The following PTPRN2 variants were observed in gnomAD, a reference collection of about 807,000 sequenced individuals.
PTPRN2 encodes the protein receptor-type tyrosine-protein phosphatase N2.
A neutral mutation model predicts 118.8 loss-of-function variants in PTPRN2; 74 were observed. The observed-to-expected ratio is 0.62, with a 90% CI of 0.52 to 0.76. The LOEUF (loss-of-function observed/expected upper bound fraction) is 0.76. Among genes scored for constraint, PTPRN2 ranks in the 30% least tolerant of loss-of-function variants. The probability of loss-of-function intolerance (pLI) is 0.00; values close to 1 mark genes in which losing one functional copy is unlikely to be tolerated. For synonymous variants in PTPRN2, 641 were observed against 608.0 expected (o/e 1.05, Z -0.80); for missense variants, 1,481 against 1,394.4 (o/e 1.06, Z -0.99).
intron 2 of PTPRN2, among the ~76,000 whole-genome samples, chr7:158,401,580 G>A (rs1812952766): frequency 6.6e-6 from 1 of 152,216 alleles, no homozygotes; most frequent in Non-Finnish European, 1.5e-5. Flanking sequence ...GACACACTGG[G>A]TCCCAGGCAT....
chr7:158,145,527 G>A (rs1379643606), intron 6 of PTPRN2, among the ~76,000 whole-genome samples: 2 of 152,244 alleles, frequency 1.3e-5, no homozygotes, highest in Non-Finnish European at 2.9e-5. Flanking sequence ...GAGGCTCCAT[G>A]GTGGACCAGG....
At chr7:158,139,982 C>T (rs866418789) in intron 6 of PTPRN2, among the ~76,000 whole-genome samples, 1 of 151,980 alleles carries the variant, frequency 6.6e-6, no homozygotes, top group Non-Finnish European at 1.5e-5. Context: ...GGCCTGCACA[C>T]AGGCTGAAGA....
At chr7:158,024,796 G>T (rs1807146318) in intron 11 of PTPRN2, among the ~76,000 whole-genome samples, 1 of 152,248 alleles carries the variant, frequency 6.6e-6, no homozygotes, top group African/African-American at 2.4e-5. Flanking sequence ...CTTCAGTTGT[G>T]CTCTCAACAT....
At chr7:158,327,019 AT>A (rs1399815196) in intron 2 of PTPRN2, among the ~76,000 whole-genome samples, 2 of 151,296 alleles carry the variant, frequency 1.3e-5, no homozygotes, top group Non-Finnish European at 3.0e-5. Context: ...ATTCTCACAT[AT>A]ATACACATTC....
chr7:157,805,633 T>C (rs10236304), intron 12 of PTPRN2, among the ~76,000 whole-genome samples: 129 of 152,336 alleles, frequency 8.5e-4, no homozygotes, highest in African/African-American at 3.0e-3. Flanking sequence ...CTCCACAGCC[T>C]GTTTGCCAGT....
At position 157,632,995 on chromosome 7, in the gene PTPRN2, T is replaced by G. The variant is rs1213504799; in HGVS notation, c.2197-11486A>C. On this transcript the variant is annotated intron_variant, in intron 14 of 22. Coordinates refer to ENST00000389418, the MANE Select transcript of PTPRN2 (RefSeq NM_002847.5). This position sits in a 1 kb window ranked among gnomAD's most constrained non-coding sequence, Gnocchi z 4.3. Reference sequence around the variant, plus strand: ...ATTTCTGTCGGATTCCTGCCGATGTTGTGGTGGTCTAGTCATCTGTCCCTT... The same window carrying G: ...ATTTCTGTCGGATTCCTGCCGATGTGGTGGTGGTCTAGTCATCTGTCCCTT... Among the ~76,000 whole-genome samples the G allele has an allele frequency of 2.6e-5, 4 of 152,170 alleles. No individual in the cohort carries two copies. Among genetic ancestry groups the G allele is most frequent in the African/African-American group, 7.2e-5 (3 of 41,444 alleles).
rs545695049 is a variant in PTPRN2 at position 157,801,293 on chromosome 7, C to T, written c.1788+97380G>A. On this transcript the variant is annotated intron_variant, in intron 12 of 22. Coordinates refer to ENST00000389418, the MANE Select transcript of PTPRN2 (RefSeq NM_002847.5). This position sits in a 1 kb window ranked among gnomAD's most constrained non-coding sequence, Gnocchi z 4.2. ...CTGCCTTCGAGATCAGTCTCTCGAC[C>T]CCTGTTAGGAGCAACGGCGGTGAGG... Among the ~76,000 whole-genome samples, 9 of 152,202 alleles carry T rather than the reference C, an allele frequency of 5.9e-5. No individual in the cohort carries two copies. The highest frequency in any genetic ancestry group is 1.9e-4 in the African/African-American group (8 of 41,526).
intron 9 of PTPRN2, among the ~76,000 whole-genome samples, chr7:158,130,777 G>A (rs1818146889): frequency 7.0e-6 from 1 of 142,608 alleles, no homozygotes; most frequent in South Asian, 2.3e-4. Context: ...ATACATACAT[G>A]CACATATGCA....
At chr7:157,828,552 G>A (rs564299660) in intron 12 of PTPRN2, among the ~76,000 whole-genome samples, 1 of 143,834 alleles carries the variant, frequency 7.0e-6, no homozygotes, top group African/African-American at 2.7e-5. Context: ...AGACGTCCTG[G>A]TTACTGCAGG....
chr7:158,050,443 G>A (rs60271108), intron 11 of PTPRN2, among the ~76,000 whole-genome samples: 3,060 of 152,262 alleles, frequency 0.02, 105 homozygotes, highest in African/African-American at 0.07. Context: ...ACTCCCATCT[G>A]CAGAGCCTCA....
At chr7:158,270,772 CCACCTGGACCA>C (rs1798288027) in intron 3 of PTPRN2, among the ~76,000 whole-genome samples, 2 of 131,612 alleles carry the variant, frequency 1.5e-5, no homozygotes, top group Admixed American at 7.2e-5. Context: ...ACCACCCCGT[CCACCTGGACCA>C]CCCCTCCACC....
At chr7:158,299,716 T>C (rs1359287582) in intron 3 of PTPRN2, among the ~76,000 whole-genome samples, 1 of 152,186 alleles carries the variant, frequency 6.6e-6, no homozygotes, top group Non-Finnish European at 1.5e-5. Flanking sequence ...TCCTCAGTCC[T>C]AGAGCTGCTG....
chr7:157,994,161 C>T (rs1189457681), intron 11 of PTPRN2, among the ~76,000 whole-genome samples: 1 of 152,094 alleles, frequency 6.6e-6, no homozygotes, highest in African/African-American at 2.4e-5. Flanking sequence ...TCACTACAGG[C>T]CATTAATACT....
intron 11 of PTPRN2, among the ~76,000 whole-genome samples, chr7:158,036,981 A>G (rs994294926): frequency 2.0e-5 from 3 of 152,172 alleles, no homozygotes; most frequent in African/African-American, 7.2e-5. Context: ...TTACATGGAC[A>G]ATCTAAGAGA....
At chr7:158,412,986 TCCAGCACCCTCC>T (rs1814310755) in intron 2 of PTPRN2, among the ~76,000 whole-genome samples, 1 of 126,444 alleles carries the variant, frequency 7.9e-6, no homozygotes, top group African/African-American at 3.1e-5. Flanking sequence ...CCAGGGCCCA[TCCAGCACCCTCC>T]TCAGCACCAG....
At chr7:157,908,044 C>T (rs959321667) in intron 11 of PTPRN2, among the ~76,000 whole-genome samples, 18 of 152,260 alleles carry the variant, frequency 1.2e-4, no homozygotes, top group African/African-American at 4.3e-4. Flanking sequence ...TTATTCTCCT[C>T]GGACACAGCA....
intron 12 of PTPRN2, among the ~76,000 whole-genome samples, chr7:157,835,972 G>A (rs933624323): frequency 2.0e-5 from 3 of 152,296 alleles, no homozygotes; most frequent in South Asian, 4.1e-4. Flanking sequence ...AACAAGCAAC[G>A]TTAGACACAG....
chr7:158,216,559 T>C (rs1274430408), intron 3 of PTPRN2, among the ~76,000 whole-genome samples: 1 of 152,122 alleles, frequency 6.6e-6, no homozygotes, highest in Middle Eastern at 3.4e-3. Flanking sequence ...ATGGAAGCAA[T>C]AGCTATATTA....
At chr7:157,839,942 G>GCGTGTGACTGTGTGGCCA (rs1219021612) in intron 12 of PTPRN2, among the ~76,000 whole-genome samples, 15 of 150,674 alleles carry the variant, frequency 1.0e-4, no homozygotes, top group Non-Finnish European at 3.0e-5. Flanking sequence ...GTGTGTGACT[G>GCGTGTGACTGTGTGGCCA]CGTGTGACTG....
Sources: allele counts gnomAD v4.1 joint callset (sites outside exome capture counted in the v4.1 genomes callset), GRCh38; gene constraint gnomAD v4.1.1; non-coding constraint Gnocchi (gnomAD v3.1); transcripts MANE v1.5; gene names NCBI Gene and HGNC (gene_info 2026-07-23, HGNC 2026-07-21).